MEGF11: variants seen among roughly 807,000 people sequenced by gnomAD.
MEGF11 encodes multiple EGF like domains 11.
A neutral mutation model predicts 146.6 loss-of-function variants in MEGF11; 126 were observed. The ratio of observed to expected loss-of-function variants is 0.86; its 90% confidence interval spans 0.74 to 1.00. The LOEUF is 1.00. Ranked by LOEUF, MEGF11 falls within the 50% of genes least tolerant of loss-of-function variation. The pLI is 0.00. For synonymous variants in MEGF11, 532 were observed against 583.4 expected (o/e 0.91, Z 1.27); for missense variants, 1,509 against 1,521.2 (o/e 0.99, Z 0.13).
intron 8 of MEGF11, among the ~76,000 whole-genome samples, chr15:65,968,917 T>C (rs767926129): frequency 5.3e-5 from 8 of 152,210 alleles, no homozygotes; most frequent in Non-Finnish European, 1.0e-4. Context: ...TGGGGTGGGT[T>C]AATGCAGCTG....
At chr15:65,970,739 ACTTTC>A (rs772290950) in intron 7 of MEGF11, 50 bp from the exon 8 acceptor site, 12 of 1,560,326 alleles carry the variant, frequency 7.7e-6, no homozygotes, top group Non-Finnish European at 1.0e-5. Context: ...GAAATGCCAA[ACTTTC>A]CTGGGAATGG....
At chr15:65,973,850 T>G (rs1217904460) in intron 7 of MEGF11, among the ~76,000 whole-genome samples, 1 of 152,170 alleles carries the variant, frequency 6.6e-6, no homozygotes, top group East Asian at 1.9e-4. Context: ...AAGAAATACC[T>G]AAAAGATTTG....
chr15:66,100,157 A>C (rs1457228192), intron 4 of MEGF11, among the ~76,000 whole-genome samples: 1 of 152,208 alleles, frequency 6.6e-6, no homozygotes, highest in African/African-American at 2.4e-5. Flanking sequence ...TACCATGTAC[A>C]TGTGCATTCA....
At chr15:66,081,078 A>T (rs1415421231) in intron 5 of MEGF11, among the ~76,000 whole-genome samples, 1 of 152,296 alleles carries the variant, frequency 6.6e-6, no homozygotes, top group East Asian at 1.9e-4. Context: ...CATGAGCTAT[A>T]CCTGGACAGC....
chr15:66,051,241 G>T (rs988701049), intron 5 of MEGF11, among the ~76,000 whole-genome samples: 3 of 152,168 alleles, frequency 2.0e-5, no homozygotes, highest in African/African-American at 7.2e-5. Flanking sequence ...GAGCAGAGAG[G>T]AAGTACAGGG....
intron 5 of MEGF11, among the ~76,000 whole-genome samples, chr15:66,004,332 T>C (rs2082456342): frequency 6.6e-6 from 1 of 151,860 alleles, no homozygotes; most frequent in South Asian, 2.1e-4. Flanking sequence ...TGAAGGGTCT[T>C]AACAACCATA....
intron 1 of MEGF11, among the ~76,000 whole-genome samples, chr15:66,153,442 G>A (rs1479449043): frequency 2.6e-5 from 4 of 152,114 alleles, no homozygotes; most frequent in Admixed American, 1.3e-4. Flanking sequence ...GCATGGTGGT[G>A]GGCACCTATA....
intron 1 of MEGF11, among the ~76,000 whole-genome samples, chr15:66,248,915 CA>C (rs1019704493): frequency 1.1e-4 from 16 of 152,218 alleles, no homozygotes; most frequent in African/African-American, 3.9e-4. Flanking sequence ...TGCTCCCTCT[CA>C]ACTATAAAAT....
intron 10 of MEGF11, among the ~76,000 whole-genome samples, chr15:65,932,446 C>T (rs1252673636): frequency 6.7e-6 from 1 of 149,376 alleles, no homozygotes; most frequent in East Asian, 2.1e-4. Context: ...CTCCACTAAA[C>T]AATTTGGACG....
rs79118686 is a variant in MEGF11 at position 66,016,499 on chromosome 15, T to G, written c.395-34011A>C. ...ATTCAGTTTTTTTTTTTTTTTTTTT[T>G]GGAAGCAAGGAGTTAAAATTTAAAC... On this transcript the variant is annotated intron_variant, in intron 5 of 25. Transcript: ENST00000395614. 5.5e-5 allele frequency among the ~76,000 whole-genome samples: 7 copies of G among 128,306 alleles called. No homozygotes were observed. The East Asian group carries it at 2.0e-3, about 36-fold the overall frequency. The allele number at this position is 128,306 out of a possible 152,430, so 84.2% of individuals were successfully genotyped here.
intron 1 of MEGF11, among the ~76,000 whole-genome samples, chr15:66,207,880 C>G (rs2091341893): frequency 6.6e-6 from 1 of 151,938 alleles, no homozygotes; most frequent in Non-Finnish European, 1.5e-5. Context: ...GTCAGGAGTT[C>G]AAGACCAGCC....
At chr15:66,160,243 CT>C (rs1331061892) in intron 1 of MEGF11, among the ~76,000 whole-genome samples, 1,610 of 20,658 alleles carry the variant, frequency 0.078, 16 homozygotes, top group Non-Finnish European at 0.097. Context: ...AGGAAAAGCC[CT>C]CTCTCTCTCT....
At chr15:65,965,599 TCTTTTTTTTTTTTC>T (rs1160199896) in intron 8 of MEGF11, among the ~76,000 whole-genome samples, 13 of 35,778 alleles carry the variant, frequency 3.6e-4, no homozygotes, top group African/African-American at 5.4e-4. Flanking sequence ...TTTCTTTCTT[TCTTTTTTTTTTTTC>T]TTTTTTTTTT....
intron 1 of MEGF11, among the ~76,000 whole-genome samples, chr15:66,229,773 G>A (rs1214009135): frequency 6.6e-6 from 1 of 152,174 alleles, no homozygotes; most frequent in African/African-American, 2.4e-5. Context: ...GAGCAGCTGG[G>A]TGGAGGCCCC....
intron 10 of MEGF11, among the ~76,000 whole-genome samples, chr15:65,940,817 C>T (rs2079964459): frequency 6.6e-6 from 1 of 152,162 alleles, no homozygotes; most frequent in Admixed American, 6.5e-5. Context: ...ACTGGAAGCC[C>T]CATGTAGTAT....
At chr15:66,152,897 G>A (rs2089620953) in intron 1 of MEGF11, among the ~76,000 whole-genome samples, 2 of 152,184 alleles carry the variant, frequency 1.3e-5, no homozygotes, top group Admixed American at 6.5e-5. Context: ...GCCCCTCCCC[G>A]CCGAAGCCAC....
intron 7 of MEGF11, among the ~76,000 whole-genome samples, chr15:65,974,635 AC>A (rs2081393976): frequency 6.6e-6 from 1 of 152,192 alleles, no homozygotes; most frequent in Admixed American, 6.5e-5. Flanking sequence ...AGCCTGGGCA[AC>A]ACAGTGAGAC....
At chr15:65,934,736 T>C (rs1366813767) in intron 10 of MEGF11, among the ~76,000 whole-genome samples, 1 of 152,118 alleles carries the variant, frequency 6.6e-6, no homozygotes, top group Non-Finnish European at 1.5e-5. Flanking sequence ...AATCAATGAT[T>C]CCCATGTAAC....
intron 1 of MEGF11, among the ~76,000 whole-genome samples, chr15:66,189,099 A>G (rs2090800688): frequency 6.6e-6 from 1 of 152,258 alleles, no homozygotes; most frequent in African/African-American, 2.4e-5. Flanking sequence ...GAAGGAAAGT[A>G]AATTGCACAA....
Sources: gnomAD v4.1 joint callset for allele counts (sites outside exome capture counted in the v4.1 genomes callset) on GRCh38, gnomAD v4.1.1 for gene constraint, MANE v1.5 for transcripts, NCBI Gene and HGNC (gene_info 2026-07-23, HGNC 2026-07-21) for gene names.